The following SOX6 variants were observed in gnomAD, a reference collection of about 807,000 sequenced individuals.
The protein encoded by SOX6 is SRY-box transcription factor 6.
A neutral mutation model predicts 97.8 loss-of-function variants in SOX6; 11 were observed. The ratio of observed to expected loss-of-function variants is 0.11; its 90% CI spans 0.07 to 0.19. The LOEUF (loss-of-function observed/expected upper bound fraction) is 0.19. Ranked by LOEUF, SOX6 falls within the 10% of genes least tolerant of loss-of-function variation. The pLI, the probability that SOX6 is intolerant of heterozygous loss-of-function variation, is 1.00. For missense variants in SOX6, 810 were observed against 1,039.5 expected (o/e 0.78, Z 3.04); for synonymous variants, 360 against 371.4 (o/e 0.97, Z 0.35).
intron 2 of SOX6, among the ~76,000 whole-genome samples, chr11:16,320,219 C>A (rs1855875963): frequency 6.6e-6 from 1 of 152,068 alleles, no homozygotes; most frequent in Non-Finnish European, 1.5e-5. Context: ...ATCAGCCAGT[C>A]TTTTAATCAC....
chr11:16,600,922 T>C (rs1848260914), intron 4 of SOX6, among the ~76,000 whole-genome samples: 1 of 152,188 alleles, frequency 6.6e-6, no homozygotes, highest in Non-Finnish European at 1.5e-5. Flanking sequence ...ATAAATTGCT[T>C]TTCCTACACT....
chr11:16,166,586 G>A (rs1228766315), intron 6 of SOX6, among the ~76,000 whole-genome samples: 1 of 152,168 alleles, frequency 6.6e-6, no homozygotes, highest in African/African-American at 2.4e-5. Context: ...TGATCTTGTA[G>A]GAGGGACAAG....
At chr11:16,519,509 GC>G (rs1395376289) in intron 4 of SOX6, among the ~76,000 whole-genome samples, 2 of 152,114 alleles carry the variant, frequency 1.3e-5, no homozygotes, top group East Asian at 3.9e-4. Flanking sequence ...CATCGATGTT[GC>G]TGCAAAGGAC....
At chr11:16,502,412 G>A (rs551086485) in intron 4 of SOX6, among the ~76,000 whole-genome samples, 1 of 152,050 alleles carries the variant, frequency 6.6e-6, no homozygotes, top group Admixed American at 6.5e-5. Context: ...GTATACATAT[G>A]TAACAAACGT....
chr11:15,989,325 A>G, intron 13 of SOX6, 95 bp from the exon 14 acceptor site: 1 of 963,582 alleles, frequency 1.0e-6, no homozygotes, highest in Non-Finnish European at 1.5e-6. Flanking sequence ...TGTTTTCCCC[A>G]GGTCCTCCTC....
At position 16,438,746 on chromosome 11, in the gene SOX6, A is replaced by G. The variant is rs546174169; in HGVS notation, c.-5+37569T>C. On this transcript the variant is annotated intron_variant, in intron 1 of 15. Coordinates refer to the SOX6 transcript ENST00000396356. The stretch of plus-strand genomic sequence containing the variant: ...AAAATAGGGGCCAGAGGGGCAGCAG[A>G]TTTCCCTTCCTTCCCTAGGGCACAA... Among the ~76,000 whole-genome samples, 313 of 151,938 alleles carry G rather than the reference A, an allele frequency of 2.1e-3. 1 individual carries two copies. Among genetic ancestry groups the G allele is most frequent in the Admixed American group, 4.6e-3 (70 of 15,254 alleles).
At chr11:16,565,427 C>A (rs1847859215) in intron 4 of SOX6, among the ~76,000 whole-genome samples, 1 of 151,948 alleles carries the variant, frequency 6.6e-6, no homozygotes, top group Non-Finnish European at 1.5e-5. Flanking sequence ...GAAACACTAC[C>A]CAATTTGTTT....
At chr11:16,307,389 A>G (rs11023909) in intron 3 of SOX6, among the ~76,000 whole-genome samples, 25,711 of 152,260 alleles carry the variant, frequency 0.17, 2,655 homozygotes, top group Admixed American at 0.29. Context: ...TAAGAGTTAA[A>G]TTAAAACCAA....
intron 14 of SOX6, among the ~76,000 whole-genome samples, chr11:15,986,765 C>G (rs1301953330): frequency 6.6e-6 from 1 of 152,198 alleles, no homozygotes; most frequent in Non-Finnish European, 1.5e-5. Context: ...CCTAAGCATA[C>G]TTTTGAGCAT....
intron 6 of SOX6, among the ~76,000 whole-genome samples, chr11:16,119,074 C>T (rs760571495): frequency 5.3e-5 from 8 of 152,036 alleles, no homozygotes; most frequent in East Asian, 3.9e-4. Flanking sequence ...GATCAGTTTT[C>T]GAAATGACCA....
In SOX6 at chr11:16,613,079, AGG is replaced by A. The variant is rs1848419095; in HGVS notation, n.430-821_430-820del. On this transcript the variant is annotated intron_variant and non_coding_transcript_variant, in intron 3 of 5. Coordinates refer to the SOX6 transcript ENST00000524520. The surrounding 1 kb of genome is among the most constrained non-coding windows in gnomAD (Gnocchi z 4.6). ...AAAGAAAAAAAGGGAGGAAAAAAGG[AGG>A]GGGGCAGCTCAAGCCTTGTCCAAGT... 6.5e-6 allele frequency: 1 copy of A among 152,800 alleles called. No individual in the cohort carries two copies. Among genetic ancestry groups the A allele is most frequent in the Non-Finnish European group, 1.5e-5 (1 of 68,646 alleles). The allele number at this position is 152,800 out of a possible 1,614,324, so 9.5% of individuals were successfully genotyped here. A position where few individuals can be genotyped will look rare whatever the true frequency, so the allele number is the denominator to read the frequency against.
intron 3 of SOX6, among the ~76,000 whole-genome samples, chr11:16,639,479 G>C (rs1848856255): frequency 6.6e-6 from 1 of 152,102 alleles, no homozygotes; most frequent in African/African-American, 2.4e-5. Context: ...GATGGGGATG[G>C]CATTGAATCT....
Position 15,972,021 on chromosome 11 carries a change from A to T in SOX6, c.*788T>A, listed in dbSNP as rs59859401. 0.063 allele frequency: 9,588 copies of T among 152,686 alleles called. 689 individuals are homozygous for T. The highest frequency in any genetic ancestry group is 0.37 in the East Asian group (1,881 of 5,126). The allele number at this position is 152,686 out of a possible 1,614,324, so 9.5% of individuals were successfully genotyped here. On this transcript the variant is annotated 3_prime_UTR_variant, in exon 16 of 16. Coordinates refer to ENST00000683767, the MANE Select transcript of SOX6 (RefSeq NM_001367873.1). Reference sequence around the variant, plus strand: ...GTGTGTATGTCATACCACATCACGCACTGATGGCACGTCAACAGGCAAACA... The same window carrying T: ...GTGTGTATGTCATACCACATCACGCTCTGATGGCACGTCAACAGGCAAACA...
At chr11:16,707,624 G>A (rs2134045613) in intron 3 of SOX6, among the ~76,000 whole-genome samples, 2 of 152,250 alleles carry the variant, frequency 1.3e-5, no homozygotes, top group Middle Eastern at 6.8e-3. Flanking sequence ...ATTCACTTCT[G>A]TATTCCAGGA....
At position 16,082,935 on chromosome 11, in the gene SOX6, C is replaced by T. The variant is rs112064997; in HGVS notation, c.1101+13061G>A. On this transcript the variant is annotated intron_variant, in intron 9 of 15. Coordinates refer to ENST00000683767, the MANE Select transcript of SOX6 (RefSeq NM_001367873.1). The stretch of plus-strand genomic sequence containing the variant: ...CACTCAGGCTGTGCCAACTGTTTGT[C>T]GTTTCTGAATGTGCCGTGCTGTCTA... Among the ~76,000 whole-genome samples, 756 of 152,238 alleles carry T rather than the reference C, an allele frequency of 5.0e-3. 17 individuals are homozygous for T. Among genetic ancestry groups the T allele is most frequent in the Admixed American group, 0.025 (380 of 15,280 alleles).
intron 3 of SOX6, among the ~76,000 whole-genome samples, chr11:16,286,783 T>C (rs1437772958): frequency 6.6e-6 from 1 of 152,172 alleles, no homozygotes; most frequent in East Asian, 1.9e-4. Flanking sequence ...TGTTAAATAA[T>C]AGTAGCAGAA....
chr11:16,465,785 C>T (rs1480570944), intron 1 of SOX6: 1 of 152,164 alleles, frequency 6.6e-6, no homozygotes, highest in Non-Finnish European at 1.5e-5. Flanking sequence ...TTAATGAATT[C>T]ATTCACTTAA....
chr11:16,289,604 T>C lies in SOX6; in HGVS notation c.445+28842A>G, dbSNP rs77738536. 7.6e-3 allele frequency among the ~76,000 whole-genome samples: 1,158 copies of C among 152,082 alleles called. 14 individuals are homozygous for C. Among genetic ancestry groups the C allele is most frequent in the African/African-American group, 0.027 (1,103 of 41,524 alleles). On this transcript the variant is annotated intron_variant, in intron 3 of 15. Coordinates refer to ENST00000683767, the MANE Select transcript of SOX6 (RefSeq NM_001367873.1). ...CAAAAAACCTAGGTGTGCCTTTTGA[T>C]TTACTAAAGCCCAGATGCATCCAAA...
At chr11:16,275,555 A>C (rs770483335) in intron 3 of SOX6, among the ~76,000 whole-genome samples, 59 of 152,216 alleles carry the variant, frequency 3.9e-4, no homozygotes, top group Admixed American at 9.2e-4. Context: ...GAATTATTTT[A>C]ATCGAATTTA....
Sources: allele counts gnomAD v4.1 joint callset (sites outside exome capture counted in the v4.1 genomes callset), GRCh38; gene constraint gnomAD v4.1.1; non-coding constraint Gnocchi (gnomAD v3.1); transcripts MANE v1.5; gene names NCBI Gene and HGNC (gene_info 2026-07-23, HGNC 2026-07-21).